PDGFB: variants seen among roughly 807,000 people sequenced by gnomAD.
The protein encoded by PDGFB is platelet-derived growth factor subunit B.
In PDGFB, 6 loss-of-function variants were observed where a neutral mutation model predicts 29.0. That is an observed-to-expected ratio of 0.21 (90% CI 0.11 to 0.41). PDGFB has a LOEUF of 0.41. Among genes scored for constraint, PDGFB ranks in the 10% least tolerant of loss-of-function variants. The probability of loss-of-function intolerance (pLI) is 1.00; values close to 1 mark genes in which losing one functional copy is unlikely to be tolerated. For missense variants in PDGFB, 299 were observed against 341.8 expected, an observed-to-expected ratio of 0.87 and a Z score of 0.99; for synonymous variants, 144 against 140.8, an observed-to-expected ratio of 1.02 and a Z score of -0.16.
chr22:39,226,894 G>C (rs768905638), intron 5 of PDGFB, among the ~76,000 whole-genome samples: 1 of 152,216 alleles, frequency 6.6e-6, no homozygotes, highest in Admixed American at 6.5e-5. Context: ...TCAAATCTGG[G>C]CTCTCCCACG....
intron 3 of PDGFB, among the ~76,000 whole-genome samples, chr22:39,232,856 C>A (rs980861274): frequency 5.3e-5 from 8 of 152,182 alleles, no homozygotes; most frequent in African/African-American, 1.9e-4. Flanking sequence ...CTCCAGGTGT[C>A]AAAGAGGAGG....
intron 1 of PDGFB, among the ~76,000 whole-genome samples, chr22:39,237,157 C>T (rs372062212): frequency 3.3e-5 from 5 of 152,070 alleles, no homozygotes; most frequent in African/African-American, 1.2e-4. Flanking sequence ...GTCGTCTCAG[C>T]CCTGTGGCCA....
chr22:39,238,023 G>A (rs1170702556), intron 1 of PDGFB, among the ~76,000 whole-genome samples: 1 of 152,196 alleles, frequency 6.6e-6, no homozygotes, highest in Non-Finnish European at 1.5e-5. Context: ...ATGGCATTTA[G>A]TGCTTGTGCC....
intron 5 of PDGFB, among the ~76,000 whole-genome samples, chr22:39,226,568 C>T (rs1569133842): frequency 1.3e-5 from 2 of 152,222 alleles, no homozygotes; most frequent in Non-Finnish European, 2.9e-5. Context: ...CCAGCTGAGC[C>T]CAGTCAACCC....
intron 1 of PDGFB, among the ~76,000 whole-genome samples, chr22:39,238,612 C>T (rs920689536): frequency 3.9e-5 from 6 of 152,210 alleles, no homozygotes; most frequent in African/African-American, 1.2e-4. Context: ...AGCAACAGGT[C>T]CAGACAATTA....
intron 2 of PDGFB, 31 bp from the exon 3 acceptor site, chr22:39,233,555 C>T (rs368985134): frequency 7.4e-5 from 113 of 1,526,054 alleles, no homozygotes; most frequent in African/African-American, 8.5e-5. Context: ...AGACACCAGG[C>T]GGCCCCACCT....
chr22:39,239,488 G>A (rs180886918), intron 1 of PDGFB, among the ~76,000 whole-genome samples: 252 of 152,302 alleles, frequency 1.7e-3, no homozygotes, highest in African/African-American at 6.0e-3. Flanking sequence ...CACCTGTTGG[G>A]AGTCACAGGC....
chr22:39,230,912 A>C (rs941526143), intron 4 of PDGFB, among the ~76,000 whole-genome samples: 2 of 152,202 alleles, frequency 1.3e-5, no homozygotes, highest in African/African-American at 4.8e-5. Flanking sequence ...TTTCCACAAG[A>C]AGCAGAAGCA....
chr22:39,230,305 TCCCAC>T, intron 4 of PDGFB, 77 bp from the exon 5 acceptor site: 1 of 1,476,666 alleles, frequency 6.8e-7, no homozygotes, highest in South Asian at 1.1e-5. Flanking sequence ...GGCTTGCGCT[TCCCAC>T]CCCGGTGTCC....
In PDGFB at chr22:39,228,893, A is replaced by AAAAAAAATATATATATAT. The variant is rs1184799325; in HGVS notation, c.601+1190_601+1191insATATATATATATTTTTTT. ...GACAGGGTGAGACTGCCTCAAAAAA[A>AAAAAAAATATATATATAT]ATATATATATATATAGATATATATA... is the stretch of plus-strand genomic sequence containing the variant. On this transcript the variant is annotated intron_variant, in intron 5 of 6. Transcript: ENST00000331163. Among the ~76,000 whole-genome samples, 88 of 132,614 alleles carry AAAAAAAATATATATATAT rather than the reference A, an allele frequency of 6.6e-4. 1 individual carries two copies. The highest frequency in any genetic ancestry group is 8.7e-3 in the Middle Eastern group (2 of 230). The allele number at this position is 132,614 out of a possible 152,430, so 87.0% of individuals were successfully genotyped here.
At chr22:39,229,672 G>A (rs774775413) in intron 5 of PDGFB, among the ~76,000 whole-genome samples, 8 of 152,212 alleles carry the variant, frequency 5.3e-5, no homozygotes, top group Non-Finnish European at 1.2e-4. Context: ...TGCTCTGGAT[G>A]GGGTGGTCAG....
At chr22:39,235,971 G>A (rs1932434153) in intron 1 of PDGFB, 97 bp from the exon 2 acceptor site, 5 of 835,658 alleles carry the variant, frequency 6.0e-6, no homozygotes, top group Non-Finnish European at 9.8e-6. Flanking sequence ...TTCTCCTGTG[G>A]AAAGCTCCAA....
At chr22:39,225,452 G>A (rs151060753) in intron 6 of PDGFB, 139 bp from the exon 7 acceptor site, 3 of 355,416 alleles carry the variant, frequency 8.4e-6, no homozygotes, top group Non-Finnish European at 1.5e-5. Context: ...AGGGCTGGGG[G>A]CATTGAGGGG....
In PDGFB at chr22:39,223,613, G is replaced by A. The variant is rs1055421105; in HGVS notation, c.*1729C>T. 5 of 152,748 alleles carry A rather than the reference G, an allele frequency of 3.3e-5. No homozygotes were observed. Among genetic ancestry groups the A allele is most frequent in the Admixed American group, 6.5e-5 (1 of 15,282 alleles). The allele number at this position is 152,748 out of a possible 1,614,324, so 9.5% of individuals were successfully genotyped here. The stretch of plus-strand genomic sequence containing the variant: ...TGAGAGGAACACGCCGCAAGCTGTC[G>A]GCACATCCTGCCAAGGCAGAAAGGT... On this transcript the variant is annotated 3_prime_UTR_variant, in exon 7 of 7. Transcript: ENST00000331163.
chr22:39,237,829 G>C (rs1002459329), intron 1 of PDGFB, among the ~76,000 whole-genome samples: 1 of 152,200 alleles, frequency 6.6e-6, no homozygotes, highest in African/African-American at 2.4e-5. Flanking sequence ...TGAATCGAGG[G>C]GCTTGAAGAA....
At chr22:39,241,188 C>T in intron 1 of PDGFB, 1 of 497,324 alleles carries the variant, frequency 2.0e-6, no homozygotes, top group East Asian at 3.3e-5. Flanking sequence ...GCCAGCTCAG[C>T]TGGTGGAGAT....
intron 5 of PDGFB, among the ~76,000 whole-genome samples, chr22:39,227,441 G>T (rs886819762): frequency 6.6e-6 from 1 of 152,212 alleles, no homozygotes; most frequent in Non-Finnish European, 1.5e-5. Context: ...TGGCCTCCTA[G>T]CGTTAGGAGA....
intron 1 of PDGFB, among the ~76,000 whole-genome samples, chr22:39,237,129 C>T (rs1467088127): frequency 6.6e-6 from 1 of 152,064 alleles, no homozygotes; most frequent in Non-Finnish European, 1.5e-5. Context: ...GGAGGGGGAG[C>T]GAGGGAGAGG....
chr22:39,225,759 A>C lies in PDGFB; in HGVS notation c.690T>G (p.His230Gln). 6.2e-7 allele frequency: 1 copy of C among 1,614,100 alleles called. No individual in the cohort carries two copies. The highest frequency in any genetic ancestry group is 8.5e-7 in the Non-Finnish European group (1 of 1,180,016). ...GGGTCTCCTTCAGTGCCGTCTTGTC[A>C]TGCGTGTGCTTGAATTTCCGGTGCT... ...KGKHRKFKHT[H>Q]DKTALKETLG... The change falls in exon 6 of 7, where the codon CAT becomes CAG. Residue 230 changes from histidine (H) to glutamine (Q), a missense_variant. Transcript: ENST00000331163.
Sources: allele counts gnomAD v4.1 joint callset (sites outside exome capture counted in the v4.1 genomes callset), GRCh38; gene constraint gnomAD v4.1.1; transcripts MANE v1.5; gene names NCBI Gene and HGNC (gene_info 2026-07-23, HGNC 2026-07-21).